HDAC1: variants seen among roughly 807,000 people sequenced by gnomAD.
The protein encoded by HDAC1 is histone deacetylase 1.
HDAC1 carries 18 observed loss-of-function variants against 65.5 expected under a neutral mutation model. The ratio of observed to expected loss-of-function variants is 0.27; its 90% CI spans 0.19 to 0.41. HDAC1 has a LOEUF of 0.41. HDAC1 is among the 10% of genes least tolerant of loss of function. The probability of loss-of-function intolerance (pLI) is 1.00; values close to 1 mark genes in which losing one functional copy is unlikely to be tolerated. For synonymous variants in HDAC1, 211 were observed against 227.9 expected, an observed-to-expected ratio of 0.93 and a Z score of 0.67; for missense variants, 373 against 625.2, an observed-to-expected ratio of 0.60 and a Z score of 4.30.
At chr1:32,328,826 G>T (rs891583258) in intron 6 of HDAC1, among the ~76,000 whole-genome samples, 2 of 152,110 alleles carry the variant, frequency 1.3e-5, no homozygotes, top group Admixed American at 1.3e-4. Flanking sequence ...TCAATCTCTG[G>T]TCCCATCAAG....
At chr1:32,326,863 C>T in intron 4 of HDAC1, 76 bp from the exon 5 acceptor site, 1 of 1,546,038 alleles carries the variant, frequency 6.5e-7, no homozygotes, top group Non-Finnish European at 8.9e-7. Context: ...TAACCTTTCA[C>T]TAGGTTCCCT....
rs1258773972 is a variant in HDAC1, at chr1:32,331,068, C to T, written c.979+160C>T. On this transcript the variant is annotated intron_variant, in intron 9 of 13. Coordinates refer to ENST00000373548, the MANE Select transcript of HDAC1 (RefSeq NM_004964.3). This position sits in a 1 kb window ranked among gnomAD's most constrained non-coding sequence, Gnocchi z 4.2. ...CCTCTTGTGATCAGCAGACCATAAC[C>T]ATCACTTTTTCCCTAGTCCTTTTTA... Among the ~76,000 whole-genome samples the T allele has an allele frequency of 6.6e-6, 1 of 152,188 alleles. No individual in the cohort carries two copies. Among genetic ancestry groups the T allele is most frequent in the Non-Finnish European group, 1.5e-5 (1 of 68,026 alleles).
intron 2 of HDAC1, among the ~76,000 whole-genome samples, chr1:32,310,646 T>C (rs1245768357): frequency 6.6e-6 from 1 of 152,030 alleles, no homozygotes; most frequent in Non-Finnish European, 1.5e-5. Flanking sequence ...GGTCAGCAGT[T>C]TGAGACCAGC....
At chr1:32,305,606 CTT>C (rs796787096) in intron 2 of HDAC1, among the ~76,000 whole-genome samples, 18 of 134,526 alleles carry the variant, frequency 1.3e-4, no homozygotes, top group Admixed American at 2.3e-4. Flanking sequence ...CATTGGTTGT[CTT>C]TTTTTTTTTT....
At chr1:32,298,186 T>C (rs113005389) in intron 1 of HDAC1, among the ~76,000 whole-genome samples, 9,581 of 150,978 alleles carry the variant, frequency 0.063, 1,005 homozygotes, top group African/African-American at 0.22. Flanking sequence ...CTCCCAGGTT[T>C]AAGCGATTCT....
chr1:32,332,923 T>C (rs1641317281), intron 13 of HDAC1, 94 bp from the exon 14 acceptor site: 17 of 1,339,568 alleles, frequency 1.3e-5, no homozygotes, highest in Non-Finnish European at 1.8e-5. Context: ...CAGCCCCCAG[T>C]AGTCACCTAG....
At chr1:32,332,916 C>T in intron 13 of HDAC1, 101 bp from the exon 14 acceptor site, 3 of 1,295,740 alleles carry the variant, frequency 2.3e-6, no homozygotes, top group South Asian at 1.3e-5. Context: ...GGAGCCCCAG[C>T]CCCCAGTAGT....
intron 3 of HDAC1, among the ~76,000 whole-genome samples, chr1:32,317,117 C>G (rs1490750223): frequency 6.6e-6 from 1 of 152,160 alleles, no homozygotes; most frequent in East Asian, 1.9e-4. Flanking sequence ...CAAGTCACTT[C>G]CCCTCAGATT....
Position 32,327,792 on chromosome 1 carries a change from A to G in HDAC1, c.636+115A>G, listed in dbSNP as rs774533755. 1 of 844,514 alleles carries G rather than the reference A, an allele frequency of 1.2e-6. No homozygotes were observed. The highest frequency in any genetic ancestry group is 1.4e-5 in the South Asian group (1 of 71,346). The allele number at this position is 844,514 out of a possible 1,614,324, so 52.3% of individuals were successfully genotyped here. A position where few individuals can be genotyped will look rare whatever the true frequency, so the allele number is the denominator to read the frequency against. ...TGCCTCTTCTGCCAATCAGAATACC[A>G]CATCCCAATCTGAAGCACTTGCCCT... On this transcript the variant is annotated intron_variant, in intron 6 of 13. Coordinates refer to ENST00000373548, the MANE Select transcript of HDAC1 (RefSeq NM_004964.3). This position sits in a 1 kb window ranked among gnomAD's most constrained non-coding sequence, Gnocchi z 6.0.
intron 3 of HDAC1, among the ~76,000 whole-genome samples, chr1:32,319,998 C>T (rs1286632515): frequency 3.3e-5 from 5 of 151,836 alleles, no homozygotes; most frequent in South Asian, 2.1e-4. Context: ...GGGCGGATCA[C>T]GAGGTCAGTA....
intron 3 of HDAC1, among the ~76,000 whole-genome samples, chr1:32,320,217 C>T (rs1210299827): frequency 6.6e-6 from 1 of 150,382 alleles, no homozygotes; most frequent in East Asian, 1.9e-4. Context: ...GAGACTCCTT[C>T]TCAAAAAGAA....
chr1:32,307,226 C>A (rs761636903), intron 2 of HDAC1, among the ~76,000 whole-genome samples: 2 of 152,072 alleles, frequency 1.3e-5, no homozygotes, highest in Non-Finnish European at 2.9e-5. Flanking sequence ...GCGTGGGCAA[C>A]AAGAGTGAAA....
At chr1:32,332,509 C>G (rs1641307845) in intron 12 of HDAC1, among the ~76,000 whole-genome samples, 192 bp from the exon 13 acceptor site, 1 of 152,248 alleles carries the variant, frequency 6.6e-6, no homozygotes, top group Non-Finnish European at 1.5e-5. Flanking sequence ...CCACCAGGTT[C>G]TGGCTGTAGC....
At chr1:32,318,968 A>G (rs1641102642) in intron 3 of HDAC1, among the ~76,000 whole-genome samples, 1 of 152,086 alleles carries the variant, frequency 6.6e-6, no homozygotes. Flanking sequence ...AAAATACAAA[A>G]ATTAGCTTGG....
At chr1:32,318,253 T>C (rs1024686353) in intron 3 of HDAC1, among the ~76,000 whole-genome samples, 1 of 152,190 alleles carries the variant, frequency 6.6e-6, no homozygotes, top group African/African-American at 2.4e-5. Flanking sequence ...CCGACCTGTT[T>C]TCCCTCTTTA....
rs1641192666 is a variant in HDAC1 at position 32,324,658 on chromosome 1, G to A, written c.355+105G>A. 8.8e-6 allele frequency: 7 copies of A among 799,174 alleles called. No homozygotes were observed. The Admixed American group carries it at 9.3e-5, about 11-fold the overall frequency. The allele number at this position is 799,174 out of a possible 1,614,324, so 49.5% of individuals were successfully genotyped here. ...GGCTGATCTGAAACCATGTAGAATG[G>A]TCCTGTGGTTTTTACTGAAGTCTCT... On this transcript the variant is annotated intron_variant, in intron 4 of 13. Transcript: ENST00000373548.
At chr1:32,302,536 T>C in intron 1 of HDAC1, 85 bp from the exon 2 acceptor site, 2 of 694,408 alleles carry the variant, frequency 2.9e-6, no homozygotes, top group East Asian at 2.7e-5. Flanking sequence ...AGAATTTGAC[T>C]GGGAGTTCGC....
chr1:32,326,900 G>A (rs768317792), intron 4 of HDAC1, 39 bp from the exon 5 acceptor site: 2 of 1,608,728 alleles, frequency 1.2e-6, no homozygotes, highest in Non-Finnish European at 1.7e-6. Flanking sequence ...GGGGAGAGTG[G>A]CTTAGTAACA....
At chr1:32,318,195 A>G (rs1168607290) in intron 3 of HDAC1, among the ~76,000 whole-genome samples, 1 of 152,214 alleles carries the variant, frequency 6.6e-6, no homozygotes, top group African/African-American at 2.4e-5. Context: ...GTGATATGCC[A>G]GCCTCGGCTT....
Sources: allele counts gnomAD v4.1 joint callset (sites outside exome capture counted in the v4.1 genomes callset), GRCh38; gene constraint gnomAD v4.1.1; non-coding constraint Gnocchi (gnomAD v3.1); transcripts MANE v1.5; gene names NCBI Gene and HGNC (gene_info 2026-07-23, HGNC 2026-07-21).